The following MRPL39 variants were observed in gnomAD, a reference collection of about 807,000 sequenced individuals.
MRPL39 encodes large ribosomal subunit protein mL39.
In MRPL39, 35 loss-of-function variants were observed where a neutral mutation model predicts 44.5. The ratio of observed to expected loss-of-function variants is 0.79; its 90% confidence interval spans 0.60 to 1.04. MRPL39 has a LOEUF of 1.04. Ranked by LOEUF, MRPL39 falls within the 50% of genes least tolerant of loss-of-function variation. The probability of loss-of-function intolerance (pLI) is 0.00; values close to 1 mark genes in which losing one functional copy is unlikely to be tolerated. For synonymous variants in MRPL39, 139 were observed against 136.1 expected (o/e 1.02, Z -0.15); for missense variants, 433 against 413.5 (o/e 1.05, Z -0.41).
chr21:25,596,526 T>C (rs9977959), intron 6 of MRPL39, among the ~76,000 whole-genome samples: 94,720 of 149,848 alleles, frequency 0.63, 31,301 homozygotes, highest in Non-Finnish European at 0.75. Flanking sequence ...AGCTATAAAG[T>C]ATGTGTCAAA....
rs7278284 is a variant in MRPL39, at chr21:25,603,925, C to T, written c.291G>A (p.Glu97=). ...CCAGAATGGACTTCCTGCAATACCACTCGCTTAAATCTAGAAATTTAAAAC... is the reference window on the plus strand; with the variant it reads ...CCAGAATGGACTTCCTGCAATACCATTCGCTTAAATCTAGAAATTTAAAAC... ...TPYSCAMHLS[E]WYCRKSILAL... is the part of the protein sequence containing the mutation. Residue 97 remains glutamate, a synonymous_variant, in exon 3 of 10, where the codon GAG becomes GAA. Coordinates refer to ENST00000352957, the MANE Select transcript of MRPL39 (RefSeq NM_017446.4). The T allele has an allele frequency of 0.024, 39,145 of 1,607,108 alleles. 3,440 individuals carry two copies. The highest frequency in any genetic ancestry group is 0.24 in the African/African-American group (17,461 of 74,300).
At chr21:25,597,271 T>C in intron 6 of MRPL39, 31 bp downstream of exon 6, 1 of 1,379,362 alleles carries the variant, frequency 7.2e-7, no homozygotes, top group African/African-American at 1.4e-5. Flanking sequence ...CTGGGAGAGT[T>C]AGCCTTGATT....
Position 25,597,301 on chromosome 21 carries a change from C to A in MRPL39, c.701+1G>T, listed in dbSNP as rs1219568845. 1 of 1,545,998 alleles carries A rather than the reference C, an allele frequency of 6.5e-7. No homozygotes were observed. Among genetic ancestry groups the A allele is most frequent in the Admixed American group, 1.7e-5 (1 of 58,796 alleles). On this transcript the variant is annotated splice_donor_variant, in intron 6 of 9. Transcript: ENST00000352957. LOFTEE classifies it high-confidence loss of function. ...TTGATTTAAAGAAAGCCAACACTTA[C>A]TTGCTGTGTTGAAATATTTCCAATG...
rs79617337 is a variant in MRPL39, at chr21:25,601,355, A to AC, written c.520+12_520+13insG. 9 of 1,579,196 alleles carry AC rather than the reference A, an allele frequency of 5.7e-6. No homozygotes were observed. Among genetic ancestry groups the AC allele is most frequent in the Non-Finnish European group, 7.8e-6 (9 of 1,153,250 alleles). On this transcript the variant is annotated intron_variant, in intron 4 of 9. Transcript: ENST00000352957. ...ATTTAAGGATCACAAAAAGACATATATGTATACACTACCAGGAACTTCTGG... is the reference window on the plus strand; with the variant it reads ...ATTTAAGGATCACAAAAAGACATATACTGTATACACTACCAGGAACTTCTGG...
In MRPL39 at chr21:25,606,491, C is replaced by G. The variant is rs143847614; in HGVS notation, c.238G>C (p.Val80Leu). ...VGKTDPGTVF[V>L]MNKNISTPYS... ...GGAGTTGAAATGTTTTTATTCATCACGAAGACAGTACCGGGGTCAGTTTTC... is the reference window on the plus strand; with the variant it reads ...GGAGTTGAAATGTTTTTATTCATCAGGAAGACAGTACCGGGGTCAGTTTTC... The change falls in exon 2 of 10, where the codon GTG (valine) becomes CTG (leucine). Residue 80 changes from valine (V) to leucine (L), a missense_variant. Transcript: ENST00000352957. The G allele has an allele frequency of 1.2e-6, 2 of 1,613,014 alleles. No individual in the cohort carries two copies. Among genetic ancestry groups the G allele is most frequent in the African/African-American group, 1.3e-5 (1 of 74,932 alleles).
intron 8 of MRPL39, among the ~76,000 whole-genome samples, chr21:25,590,653 A>G (rs2031145730): frequency 6.6e-6 from 1 of 152,188 alleles, no homozygotes; most frequent in Non-Finnish European, 1.5e-5. Context: ...ATAAGAAGAT[A>G]CAGTAAGTTC....
At chr21:25,585,798 A>G (rs769151461) in intron 9 of MRPL39, 44 bp from the exon 10 acceptor site, 2 of 1,370,166 alleles carry the variant, frequency 1.5e-6, no homozygotes, top group South Asian at 2.5e-5. Context: ...AAACACTTTC[A>G]GTTTTACCCT....
At chr21:25,603,537 TAGAG>T (rs1041912410) in intron 3 of MRPL39, among the ~76,000 whole-genome samples, 1 of 152,070 alleles carries the variant, frequency 6.6e-6, no homozygotes, top group African/African-American at 2.4e-5. Flanking sequence ...ACCCACAATA[TAGAG>T]AGTGATTAAT....
chr21:25,593,127 G>A (rs578055965), intron 7 of MRPL39, among the ~76,000 whole-genome samples, 162 bp from the exon 8 acceptor site: 4 of 152,222 alleles, frequency 2.6e-5, no homozygotes, highest in Non-Finnish European at 5.9e-5. Flanking sequence ...ATGATCTCAA[G>A]TAAAGAGGCT....
intron 8 of MRPL39, among the ~76,000 whole-genome samples, chr21:25,590,292 C>T (rs73158416): frequency 0.13 from 19,325 of 151,910 alleles, 1,621 homozygotes; most frequent in South Asian, 0.32. Flanking sequence ...CCAGGGGTAT[C>T]CAATCTTTTG....
Position 25,601,435 on chromosome 21 carries a change from G to A in MRPL39, c.453C>T (p.Gly151=). 1 of 1,605,476 alleles carries A rather than the reference G, an allele frequency of 6.2e-7. No homozygotes were observed. The highest frequency in any genetic ancestry group is 8.5e-7 in the Non-Finnish European group (1 of 1,175,250). Residue 151 remains glycine (G), a synonymous_variant, in exon 4 of 10, where the codon GGC becomes GGT. Coordinates refer to ENST00000352957, the MANE Select transcript of MRPL39 (RefSeq NM_017446.4). ...CTTTGAATGCCCTCTCTATCACACA[G>A]CCCATCATCATAGCACAGGAACGCC... is the stretch of plus-strand genomic sequence containing the variant. The part of the protein sequence containing the change: ...AYWRSCAMMM[G]CVIERAFKDE...
intron 9 of MRPL39, 137 bp downstream of exon 9, chr21:25,588,698 A>G: frequency 1.3e-6 from 1 of 748,934 alleles, no homozygotes. Context: ...CAATCACAAC[A>G]CTGCTTTGAC....
intron 4 of MRPL39, 67 bp downstream of exon 4, chr21:25,601,301 T>C (rs1319461155): frequency 4.9e-6 from 5 of 1,020,694 alleles, no homozygotes; most frequent in South Asian, 1.5e-5. Context: ...TACTAAACTC[T>C]ATACGTCATC....
chr21:25,603,701 G>T, intron 3 of MRPL39, 95 bp downstream of exon 3: 2 of 1,270,152 alleles, frequency 1.6e-6, no homozygotes, highest in Non-Finnish European at 2.2e-6. Context: ...ATTTGAACTT[G>T]GCCATATTTT....
chr21:25,602,869 G>GC (rs1357103905), intron 3 of MRPL39, among the ~76,000 whole-genome samples: 1 of 152,210 alleles, frequency 6.6e-6, no homozygotes, highest in Non-Finnish European at 1.5e-5. Context: ...ATATGGTTTA[G>GC]CCCTGTGTTC....
At position 25,607,410 on chromosome 21, in the gene MRPL39, G is replaced by C. The variant is rs779386510; in HGVS notation, c.66C>G (p.Ile22Met). Residue 22 changes from isoleucine to methionine, a missense_variant, in exon 1 of 10, where the codon ATC (isoleucine) becomes ATG (methionine). Coordinates refer to ENST00000352957, the MANE Select transcript of MRPL39 (RefSeq NM_017446.4). ...RLWLVAPGGG[I>M]KWRFIATSSA... ...ACGGCCTCTGAAACTCACTCCATTT[G>C]ATCCCGCCACCGGGTGCGACCAGCC... The C allele has an allele frequency of 1.2e-6, 2 of 1,613,604 alleles. No homozygotes were observed. Among genetic ancestry groups the C allele is most frequent in the East Asian group, 2.2e-5 (1 of 44,860 alleles).
chr21:25,589,401 C>T (rs2031102282), intron 8 of MRPL39, among the ~76,000 whole-genome samples: 1 of 149,116 alleles, frequency 6.7e-6, no homozygotes, highest in Non-Finnish European at 1.5e-5. Flanking sequence ...ATAAGTAAAA[C>T]CTAACAAAGA....
At chr21:25,607,221 CAGACCCTCGTTCCCA>C (rs1321741864) in intron 1 of MRPL39, among the ~76,000 whole-genome samples, 167 bp downstream of exon 1, 2 of 152,216 alleles carry the variant, frequency 1.3e-5, no homozygotes, top group Admixed American at 6.5e-5. Flanking sequence ...TGCCCTCCGC[CAGACCCTCGTTCCCA>C]TAAATTAGTC....
intron 6 of MRPL39, among the ~76,000 whole-genome samples, chr21:25,594,395 G>A (rs2031288464): frequency 6.6e-6 from 1 of 151,702 alleles, no homozygotes; most frequent in Admixed American, 6.6e-5. Flanking sequence ...GGGACTACAG[G>A]TGTGAGCCAC....
Sources: allele counts gnomAD v4.1 joint callset (sites outside exome capture counted in the v4.1 genomes callset), GRCh38; gene constraint gnomAD v4.1.1; transcripts MANE v1.5; gene names NCBI Gene and HGNC (gene_info 2026-07-23, HGNC 2026-07-21).